The following SYNPO variants were observed in gnomAD, a reference collection of about 807,000 sequenced individuals.
SYNPO encodes the protein synaptopodin.
SYNPO carries 19 observed loss-of-function variants against 49.5 expected under a neutral mutation model. The observed-to-expected ratio is 0.38, with a 90% CI of 0.27 to 0.56. The LOEUF (loss-of-function observed/expected upper bound fraction) is 0.56. SYNPO is among the 20% of genes least tolerant of loss of function. The probability of loss-of-function intolerance (pLI) is 0.68; values close to 1 mark genes in which losing one functional copy is unlikely to be tolerated. For synonymous variants in SYNPO, 536 were observed against 548.0 expected (o/e 0.98, Z 0.31); for missense variants, 1,131 against 1,248.3 (o/e 0.91, Z 1.42).
At chr5:150,587,692 G>A in the SYNPO span, among the ~76,000 whole-genome samples, 2 of 152,182 alleles carry the variant, frequency 1.3e-5, no homozygotes, top group African/African-American at 4.8e-5. Context: ...CCTCTTATAG[G>A]AGATGAGCAG....
intron 1 of SYNPO, among the ~76,000 whole-genome samples, chr5:150,647,449 C>G (rs573660556): frequency 1.3e-5 from 2 of 152,196 alleles, no homozygotes; most frequent in Non-Finnish European, 2.9e-5. Context: ...AGATAGGAAC[C>G]AGCATGGACT....
Position 150,633,080 on chromosome 5 carries a change from A to G in SYNPO, c.400+14313A>G, listed in dbSNP as rs58353120. On this transcript the variant is annotated intron_variant, in intron 2 of 2. Transcript: ENST00000394243. ...TGCTTTGGCCATATCATTTCCTTGCATCATGCATTCAGCATATATTTATTG... is the reference window on the plus strand; with the variant it reads ...TGCTTTGGCCATATCATTTCCTTGCGTCATGCATTCAGCATATATTTATTG... Among the ~76,000 whole-genome samples the G allele has an allele frequency of 8.1e-3, 1,239 of 152,272 alleles. 98 individuals are homozygous for G. In the East Asian group the frequency reaches 0.19, roughly 23 times the overall value.
chr5:150,639,702 A>G (rs1019439009), upstream of SYNPO, among the ~76,000 whole-genome samples: 2 of 151,808 alleles, frequency 1.3e-5, no homozygotes, highest in African/African-American at 4.8e-5. Flanking sequence ...GGCATGTTAA[A>G]CCCTTGGCTT....
At position 150,650,078 on chromosome 5, in the gene SYNPO, C is replaced by T. The variant is rs1477276650; in HGVS notation, c.1803C>T (p.Asn601=). The T allele has an allele frequency of 3.7e-6, 6 of 1,613,526 alleles. No individual in the cohort carries two copies. Among genetic ancestry groups the T allele is most frequent in the Non-Finnish European group, 4.2e-6 (5 of 1,179,988 alleles). The change falls in exon 2 of 3, where the codon AAC becomes AAT. Residue 601 remains asparagine (N), a synonymous_variant. Transcript: ENST00000307662. The part of the protein sequence containing the change: ...AKPSSLDLVP[N]LPKGALPPSP... ...CCAGCTCCTTGGACCTGGTGCCCAA[C>T]CTGCCCAAGGGGGCTCTCCCTCCAT...
upstream of SYNPO, among the ~76,000 whole-genome samples, chr5:150,598,733 G>T (rs974292901): frequency 1.3e-5 from 2 of 152,136 alleles, no homozygotes; most frequent in Non-Finnish European, 2.9e-5. Flanking sequence ...GTTACCAACA[G>T]AGAGTTCCAT....
exon 2 of SYNPO, chr5:150,618,259 G>A: frequency 1.5e-6 from 2 of 1,333,036 alleles, no homozygotes; most frequent in Non-Finnish European, 2.0e-6. Context: ...GAGAGTCAGA[G>A]GAGGCTGTGT....
intron 1 of SYNPO, among the ~76,000 whole-genome samples, chr5:150,641,368 ACCC>A (rs1757899027): frequency 6.6e-6 from 1 of 151,772 alleles, no homozygotes; most frequent in South Asian, 2.1e-4. Context: ...TGTCGCCAAG[ACCC>A]CTGGACTACC....
At chr5:150,603,639 A>G (rs955891083) in intron 1 of SYNPO, among the ~76,000 whole-genome samples, 3 of 152,206 alleles carry the variant, frequency 2.0e-5, no homozygotes, top group African/African-American at 7.2e-5. Flanking sequence ...CAACAGGCAA[A>G]GGGTACCAAG....
At chr5:150,588,961 C>A in the SYNPO span, among the ~76,000 whole-genome samples, 4 of 152,118 alleles carry the variant, frequency 2.6e-5, no homozygotes, top group Non-Finnish European at 5.9e-5. Flanking sequence ...GTCTTTGGAG[C>A]AATATTCGAG....
intron 2 of SYNPO, among the ~76,000 whole-genome samples, chr5:150,655,024 C>G (rs1298755267): frequency 1.3e-5 from 2 of 152,178 alleles, no homozygotes; most frequent in Admixed American, 6.5e-5. Context: ...ACTCGGGAGG[C>G]TGAGGCAGGA....
Position 150,648,665 on chromosome 5 carries a change from T to C in SYNPO, c.390T>C (p.Pro130=), listed in dbSNP as rs777475186. 1 of 1,614,238 alleles carries C rather than the reference T, an allele frequency of 6.2e-7. No homozygotes were observed. The highest frequency in any genetic ancestry group is 1.1e-5 in the South Asian group (1 of 91,090). ...EAQLPSNGTG[P]ASKPSTLCAD... ...AACTCCCATCTAATGGCACAGGGCC[T>C]GCTTCCAAACCCAGCACCCTGTGTG... Residue 130 remains proline, a synonymous_variant, in exon 2 of 3, where the codon CCT becomes CCC. Coordinates refer to ENST00000307662, the MANE Select transcript of SYNPO (RefSeq NM_007286.6). The surrounding 1 kb of genome is among the most constrained non-coding windows in gnomAD (Gnocchi z 5.0).
chr5:150,649,202 A>T lies in SYNPO; in HGVS notation c.927A>T (p.Arg309Ser). 1 of 1,613,974 alleles carries T rather than the reference A, an allele frequency of 6.2e-7. No individual in the cohort carries two copies. The highest frequency in any genetic ancestry group is 8.5e-7 in the Non-Finnish European group (1 of 1,179,974). The change falls in exon 2 of 3, where the codon AGA becomes AGT. Residue 309 changes from arginine to serine, a missense_variant. By Grantham distance (110) the Arg-to-Ser change is moderately radical. This residue lies in a region of SYNPO where 602 missense variants were observed against 720.7 expected (regional missense o/e 0.84). Transcript: ENST00000307662. Reference sequence around the variant, plus strand: ...GGCAGCGAAGCCCGGCCTCAGAGAGACGCCCCTTGGGGAACTTCACTGCAC... The same window carrying T: ...GGCAGCGAAGCCCGGCCTCAGAGAGTCGCCCCTTGGGGAACTTCACTGCAC... ...MMGQRSPASE[R>S]RPLGNFTAPP...
chr5:150,635,747 G>A (rs1431786172), upstream of SYNPO, among the ~76,000 whole-genome samples: 1 of 152,184 alleles, frequency 6.6e-6, no homozygotes, highest in Non-Finnish European at 1.5e-5. Context: ...ATAGGTGTGA[G>A]CCACCGCACC....
intron 2 of SYNPO, among the ~76,000 whole-genome samples, chr5:150,631,033 T>C (rs1333787977): frequency 1.3e-5 from 2 of 152,156 alleles, no homozygotes; most frequent in Non-Finnish European, 2.9e-5. Flanking sequence ...ACCCAGATAA[T>C]TGTGCAAATC....
intron 2 of SYNPO, among the ~76,000 whole-genome samples, chr5:150,628,067 G>GTGTGTGT (rs1561643388): frequency 7.9e-6 from 1 of 126,682 alleles, no homozygotes; most frequent in African/African-American, 3.0e-5. Context: ...TGTGTGTGTG[G>GTGTGTGT]TCAGAGTCTT....
At chr5:150,600,923 A>G (rs1296598026), upstream of SYNPO, among the ~76,000 whole-genome samples, 1 of 152,092 alleles carries the variant, frequency 6.6e-6, no homozygotes, top group East Asian at 1.9e-4. Flanking sequence ...AAAAATATAG[A>G]CGGCTAATGT....
At chr5:150,613,405 T>G (rs1200134987) in intron 1 of SYNPO, among the ~76,000 whole-genome samples, 1 of 152,140 alleles carries the variant, frequency 6.6e-6, no homozygotes, top group African/African-American at 2.4e-5. Flanking sequence ...TTCTTCAGAG[T>G]CATCCCCAGT....
chr5:150,643,828 C>T (rs562861091), intron 1 of SYNPO, among the ~76,000 whole-genome samples: 8 of 152,216 alleles, frequency 5.3e-5, no homozygotes, highest in East Asian at 2.0e-4. Context: ...CCACCGCGCC[C>T]GGCTGAGAAG....
intron 2 of SYNPO, among the ~76,000 whole-genome samples, chr5:150,634,784 C>A (rs549689514): frequency 6.6e-6 from 1 of 151,826 alleles, no homozygotes. Flanking sequence ...CACCACTGCA[C>A]TCCAGCCTGC....
Sources: gnomAD v4.1 joint callset for allele counts (sites outside exome capture counted in the v4.1 genomes callset) on GRCh38, gnomAD v4.1.1 for gene constraint, gnomAD v4.1.1 regional missense constraint, Gnocchi (gnomAD v3.1) non-coding constraint, MANE v1.5 for transcripts, NCBI Gene and HGNC (gene_info 2026-07-23, HGNC 2026-07-21) for gene names.